Variants in FRMD5 observed in about 807,000 individuals in gnomAD.
FRMD5 encodes FERM domain-containing protein 5.
FRMD5 carries 20 observed loss-of-function variants against 69.0 expected under a neutral mutation model. The ratio of observed to expected loss-of-function variants is 0.29; its 90% CI spans 0.20 to 0.42. The LOEUF (loss-of-function observed/expected upper bound fraction) is 0.42. FRMD5 is among the 10% of genes least tolerant of loss of function. The pLI, the probability that FRMD5 is intolerant of heterozygous loss-of-function variation, is 1.00. For missense variants in FRMD5, 595 were observed against 708.6 expected (o/e 0.84, Z 1.82); for synonymous variants, 271 against 260.1 (o/e 1.04, Z -0.40).
chr15:44,113,377 G>C (rs756823057), intron 1 of FRMD5, among the ~76,000 whole-genome samples: 3 of 152,080 alleles, frequency 2.0e-5, no homozygotes, highest in Non-Finnish European at 4.4e-5. Context: ...TTACTTAATA[G>C]CTTTGTTTTT....
chr15:44,136,926 T>G (rs866003856), intron 1 of FRMD5, among the ~76,000 whole-genome samples: 1 of 152,042 alleles, frequency 6.6e-6, no homozygotes, highest in East Asian at 1.9e-4. Context: ...ACAACAGCGA[T>G]AGATAAAAAA....
chr15:44,131,649 G>T (rs1253951036), intron 1 of FRMD5, among the ~76,000 whole-genome samples: 1 of 146,856 alleles, frequency 6.8e-6, no homozygotes, highest in Admixed American at 6.9e-5. Flanking sequence ...TAATATAGAT[G>T]AACCTTGAAA....
intron 1 of FRMD5, among the ~76,000 whole-genome samples, chr15:44,161,820 A>T (rs1054808382): frequency 2.0e-5 from 3 of 152,074 alleles, no homozygotes; most frequent in Non-Finnish European, 4.4e-5. Context: ...TAAAATGACT[A>T]TTTTCACAGG....
At chr15:43,932,562 A>G (rs1244045696) in intron 1 of FRMD5, among the ~76,000 whole-genome samples, 1 of 152,184 alleles carries the variant, frequency 6.6e-6, no homozygotes, top group Non-Finnish European at 1.5e-5. Flanking sequence ...ATAAGATATG[A>G]CACAATTCCA....
intron 1 of FRMD5, among the ~76,000 whole-genome samples, chr15:43,986,560 T>C (rs1488090009): frequency 6.6e-6 from 1 of 152,228 alleles, no homozygotes; most frequent in East Asian, 1.9e-4. Flanking sequence ...CTCTTGCAGA[T>C]ATTTCATGAC....
At chr15:43,961,444 G>C (rs1368369577) in intron 1 of FRMD5, among the ~76,000 whole-genome samples, 2 of 152,206 alleles carry the variant, frequency 1.3e-5, no homozygotes, top group African/African-American at 4.8e-5. Flanking sequence ...TCCAGGACCA[G>C]ATGGATTTGC....
At chr15:44,073,094 C>T (rs774326346) in intron 1 of FRMD5, among the ~76,000 whole-genome samples, 1 of 152,088 alleles carries the variant, frequency 6.6e-6, no homozygotes, top group Non-Finnish European at 1.5e-5. Flanking sequence ...TTGATCATGC[C>T]ACTGCACTCC....
intron 1 of FRMD5, among the ~76,000 whole-genome samples, chr15:44,095,916 G>T (rs150611090): frequency 5.3e-5 from 8 of 152,208 alleles, no homozygotes; most frequent in African/African-American, 1.9e-4. Context: ...TACTACATAA[G>T]AGTAAACTGG....
chr15:44,002,014 A>C (rs1890235905), intron 1 of FRMD5, among the ~76,000 whole-genome samples: 1 of 152,060 alleles, frequency 6.6e-6, no homozygotes. Context: ...TTCATTCTTT[A>C]TTTTGATGCC....
At chr15:44,053,914 G>C (rs1245453739) in intron 1 of FRMD5, among the ~76,000 whole-genome samples, 2 of 152,196 alleles carry the variant, frequency 1.3e-5, no homozygotes, top group African/African-American at 2.4e-5. Context: ...GAGGCACTGA[G>C]CAAGACAAGT....
Position 43,907,586 on chromosome 15 carries a change from G to A in FRMD5, c.428-1635C>T, listed in dbSNP as rs181121880. ...TGTCACCAGGCTGGAGTGCAGTAGC[G>A]CGATCTCAGCTCACTGCAGACTCCG... On this transcript the variant is annotated intron_variant, in intron 5 of 13. Coordinates refer to ENST00000417257, the MANE Select transcript of FRMD5 (RefSeq NM_032892.5). 4.8e-3 allele frequency among the ~76,000 whole-genome samples: 724 copies of A among 150,842 alleles called. 9 individuals carry two copies. Among genetic ancestry groups the A allele is most frequent in the African/African-American group, 0.016 (676 of 40,984 alleles).
In FRMD5 at chr15:43,919,490, C is replaced by T; in HGVS notation, c.298G>A (p.Asp100Asn). 6.2e-7 allele frequency: 1 copy of T among 1,614,036 alleles called. No homozygotes were observed. The highest frequency in any genetic ancestry group is 1.3e-5 in the African/African-American group (1 of 74,998). The change falls in exon 4 of 14, where the codon GAC becomes AAC. Residue 100 changes from aspartate to asparagine, a missense_variant. Around this residue, in one of 5 missense-constraint regions of FRMD5, gnomAD observed 79 missense variants for 139.9 expected, o/e 0.56. Coordinates refer to ENST00000417257, the MANE Select transcript of FRMD5 (RefSeq NM_032892.5). Reference sequence around the variant, plus strand: ...ATTTCTTCTTTCAGAGCAGCAGGGTCTGCAGGATAAAACTTCACACGGAAG... The same window carrying T: ...ATTTCTTCTTTCAGAGCAGCAGGGTTTGCAGGATAAAACTTCACACGGAAG... ...MCFRVKFYPA[D>N]PAALKEEITR... is the part of the protein sequence containing the mutation.
chr15:44,052,715 C>A (rs1475827149), intron 1 of FRMD5, among the ~76,000 whole-genome samples: 7 of 152,160 alleles, frequency 4.6e-5, no homozygotes, highest in Non-Finnish European at 7.4e-5. Context: ...ACACAGTGAA[C>A]AATTACACTC....
chr15:43,886,463 C>G (rs112793333), intron 10 of FRMD5, among the ~76,000 whole-genome samples: 11,593 of 152,216 alleles, frequency 0.076, 606 homozygotes, highest in Non-Finnish European at 0.12. Flanking sequence ...CGATGTGGAG[C>G]TCTGTAATAC....
chr15:43,984,058 T>G (rs1041879116), intron 1 of FRMD5, among the ~76,000 whole-genome samples: 4 of 152,226 alleles, frequency 2.6e-5, no homozygotes, highest in African/African-American at 9.6e-5. Context: ...TTTTTGTTTT[T>G]CTTCAAGCCA....
intron 1 of FRMD5, among the ~76,000 whole-genome samples, chr15:44,164,918 A>G (rs775230137): frequency 1.3e-5 from 2 of 152,236 alleles, no homozygotes; most frequent in Non-Finnish European, 2.9e-5. Flanking sequence ...AGATGACAGT[A>G]GAGCAAGCTG....
At chr15:44,097,100 C>A (rs546700680) in intron 1 of FRMD5, among the ~76,000 whole-genome samples, 4 of 152,178 alleles carry the variant, frequency 2.6e-5, no homozygotes, top group African/African-American at 9.7e-5. Flanking sequence ...AATTATAATG[C>A]TATCATTTTA....
At chr15:43,890,523 G>C (rs983192819) in intron 8 of FRMD5, among the ~76,000 whole-genome samples, 1 of 152,170 alleles carries the variant, frequency 6.6e-6, no homozygotes, top group African/African-American at 2.4e-5. Flanking sequence ...GCCCTCTAAA[G>C]AATATCAAAT....
intron 10 of FRMD5, among the ~76,000 whole-genome samples, chr15:43,886,588 C>T (rs2088669343): frequency 6.6e-6 from 1 of 152,192 alleles, no homozygotes; most frequent in Non-Finnish European, 1.5e-5. Context: ...GCCTATGGTA[C>T]TGATCCAACC....
Sources: gnomAD v4.1 joint callset for allele counts (sites outside exome capture counted in the v4.1 genomes callset) on GRCh38, gnomAD v4.1.1 for gene constraint, gnomAD v4.1.1 regional missense constraint, MANE v1.5 for transcripts, NCBI Gene and HGNC (gene_info 2026-07-23, HGNC 2026-07-21) for gene names.